Variants in MSI2 observed in about 807,000 individuals in gnomAD.
MSI2 encodes the protein musashi RNA binding protein 2.
In MSI2, 17 loss-of-function variants were observed where a neutral mutation model predicts 45.6. That is an observed-to-expected ratio of 0.37 (90% CI 0.26 to 0.56). MSI2 has a LOEUF of 0.56. MSI2 is among the 20% of genes least tolerant of loss of function. The probability of loss-of-function intolerance (pLI) is 0.77; values close to 1 mark genes in which losing one functional copy is unlikely to be tolerated. For synonymous variants in MSI2, 156 were observed against 158.2 expected (o/e 0.99, Z 0.11); for missense variants, 293 against 444.2 (o/e 0.66, Z 3.06).
intron 5 of MSI2, among the ~76,000 whole-genome samples, chr17:57,298,920 T>G (rs1340070058): frequency 6.6e-6 from 1 of 152,252 alleles, no homozygotes; most frequent in Non-Finnish European, 1.5e-5. Context: ...AAAAGACTTT[T>G]GTATACATGA....
chr17:57,588,996 G>A (rs777544336), intron 7 of MSI2, among the ~76,000 whole-genome samples: 1 of 152,176 alleles, frequency 6.6e-6, no homozygotes, highest in Non-Finnish European at 1.5e-5. Flanking sequence ...CTCAGTGACG[G>A]CAGATGAGCT....
At chr17:57,561,848 C>G (rs1222888601) in intron 7 of MSI2, among the ~76,000 whole-genome samples, 1 of 152,100 alleles carries the variant, frequency 6.6e-6, no homozygotes, top group Non-Finnish European at 1.5e-5. Flanking sequence ...GTGGCAGTGG[C>G]CCCATTTTAA....
chr17:57,336,112 C>T (rs1222621856), intron 5 of MSI2, among the ~76,000 whole-genome samples: 1 of 152,114 alleles, frequency 6.6e-6, no homozygotes, highest in Non-Finnish European at 1.5e-5. Context: ...GTGAAGAGGG[C>T]AGGTGGGAGC....
intron 7 of MSI2, among the ~76,000 whole-genome samples, chr17:57,548,785 A>G (rs2144169866): frequency 6.6e-6 from 1 of 151,990 alleles, no homozygotes; most frequent in East Asian, 1.9e-4. Flanking sequence ...ATTCGGAGTC[A>G]GCCCGGATAA....
intron 13 of MSI2, among the ~76,000 whole-genome samples, chr17:57,679,344 G>A (rs1474325468): frequency 6.6e-6 from 1 of 152,226 alleles, no homozygotes; most frequent in East Asian, 1.9e-4. Context: ...GTATGGTTTA[G>A]ATGTCAGATT....
At chr17:57,563,746 G>GCACACACACACACACACACACA (rs61342598) in intron 7 of MSI2, among the ~76,000 whole-genome samples, 2 of 139,398 alleles carry the variant, frequency 1.4e-5, no homozygotes, top group East Asian at 2.1e-4. Context: ...ACACAGGCGC[G>GCACACACACACACACACACACA]CACACACACA....
At chr17:57,606,927 A>G (rs1295699424) in intron 8 of MSI2, among the ~76,000 whole-genome samples, 1 of 151,846 alleles carries the variant, frequency 6.6e-6, no homozygotes, top group Non-Finnish European at 1.5e-5. Context: ...AGAGACCCAG[A>G]GGAGGGAGCA....
At chr17:57,528,975 T>G (rs1238559214) in intron 6 of MSI2, among the ~76,000 whole-genome samples, 1 of 152,222 alleles carries the variant, frequency 6.6e-6, no homozygotes, top group African/African-American at 2.4e-5. Flanking sequence ...AGCTATGGCT[T>G]CTTACACTGG....
chr17:57,391,351 G>A (rs1209126116), intron 5 of MSI2, among the ~76,000 whole-genome samples: 1 of 152,138 alleles, frequency 6.6e-6, no homozygotes, highest in Non-Finnish European at 1.5e-5. Context: ...AGTGTCCTAG[G>A]CCTGTTTTAT....
Position 57,677,076 on chromosome 17 carries a change from C to T in MSI2, c.*31+17C>T. The T allele has an allele frequency of 6.3e-7, 1 of 1,582,772 alleles. No individual in the cohort carries two copies. The highest frequency in any genetic ancestry group is 8.7e-7 in the Non-Finnish European group (1 of 1,151,390). On this transcript the variant is annotated intron_variant, in intron 13 of 13. Transcript: ENST00000284073. ...CACTCTGAGGTATTACCGTCTCTGCCATGTGTCTCTGCCCTGCCGGTGTGT... is the reference window on the plus strand; with the variant it reads ...CACTCTGAGGTATTACCGTCTCTGCTATGTGTCTCTGCCCTGCCGGTGTGT...
At chr17:57,619,342 C>T (rs1908054281) in intron 9 of MSI2, among the ~76,000 whole-genome samples, 1 of 152,220 alleles carries the variant, frequency 6.6e-6, no homozygotes, top group East Asian at 1.9e-4. Context: ...GCTTCCTGCC[C>T]TCCGCGAGCT....
chr17:57,652,173 T>C lies in MSI2; in HGVS notation c.790+12T>C, dbSNP rs1278412688. 6 of 1,613,468 alleles carry C rather than the reference T, an allele frequency of 3.7e-6. No homozygotes were observed. Among genetic ancestry groups the C allele is most frequent in the Non-Finnish European group, 5.1e-6 (6 of 1,179,680 alleles). On this transcript the variant is annotated intron_variant, in intron 11 of 13. Coordinates refer to ENST00000284073, the MANE Select transcript of MSI2 (RefSeq NM_138962.4). The surrounding 1 kb of genome is among the most constrained non-coding windows in gnomAD (Gnocchi z 4.1). ...AGCAAGAGGATCAGGTAGGAAGGTG[T>C]ATGGGACAGGCGACTCCCAGGCATG...
intron 6 of MSI2, among the ~76,000 whole-genome samples, chr17:57,523,795 T>G (rs1227597512): frequency 6.6e-6 from 1 of 152,238 alleles, no homozygotes; most frequent in Admixed American, 6.5e-5. Context: ...TTTCCCTTAT[T>G]CTGCCCCTTT....
chr17:57,493,323 G>A (rs76437663), intron 6 of MSI2, among the ~76,000 whole-genome samples: 352 of 152,242 alleles, frequency 2.3e-3, no homozygotes, highest in African/African-American at 7.5e-3. Flanking sequence ...TTTCTGATCT[G>A]TCTCTGATAA....
At chr17:57,424,794 G>A (rs1000850637) in intron 6 of MSI2, among the ~76,000 whole-genome samples, 2 of 152,114 alleles carry the variant, frequency 1.3e-5, no homozygotes, top group Admixed American at 1.3e-4. Context: ...TCTAGGGCAG[G>A]GGTCTGATGA....
intron 7 of MSI2, among the ~76,000 whole-genome samples, chr17:57,565,666 G>A (rs532385786): frequency 2.6e-5 from 3 of 113,928 alleles, no homozygotes; most frequent in East Asian, 2.1e-4. Context: ...ATACCCCCTC[G>A]ACTAACACCC....
At chr17:57,258,190 AG>A in intron 3 of MSI2, 79 bp from the exon 4 acceptor site, 1 of 1,274,426 alleles carries the variant, frequency 7.8e-7, no homozygotes, top group Non-Finnish European at 1.1e-6. Flanking sequence ...CTCCTCATTC[AG>A]CCTTAGGTCT....
In MSI2 at chr17:57,517,529, G is replaced by T. The variant is rs145080073; in HGVS notation, c.406-12147G>T. ...TCCAAGCTTTTGAAGCTCCACGAAGGGTTCAAAGGAGTCTTGGAGAAGGGA... is the reference window on the plus strand; with the variant it reads ...TCCAAGCTTTTGAAGCTCCACGAAGTGTTCAAAGGAGTCTTGGAGAAGGGA... On this transcript the variant is annotated intron_variant, in intron 6 of 13. Coordinates refer to ENST00000284073, the MANE Select transcript of MSI2 (RefSeq NM_138962.4). Among the ~76,000 whole-genome samples, 378 of 152,288 alleles carry T rather than the reference G, an allele frequency of 2.5e-3. 1 individual carries two copies. The highest frequency in any genetic ancestry group is 8.9e-3 in the African/African-American group (371 of 41,562).
intron 7 of MSI2, among the ~76,000 whole-genome samples, chr17:57,550,651 A>G (rs1836119444): frequency 6.6e-6 from 1 of 152,202 alleles, no homozygotes; most frequent in Admixed American, 6.5e-5. Flanking sequence ...CGTTTTCTTA[A>G]TACCTGTCTC....
Sources: allele counts gnomAD v4.1 joint callset (sites outside exome capture counted in the v4.1 genomes callset), GRCh38; gene constraint gnomAD v4.1.1; non-coding constraint Gnocchi (gnomAD v3.1); transcripts MANE v1.5; gene names NCBI Gene and HGNC (gene_info 2026-07-23, HGNC 2026-07-21).